The following SNX13 variants were observed in gnomAD, a reference collection of about 807,000 sequenced individuals.
SNX13 encodes the protein sorting nexin-13.
SNX13 carries 45 observed loss-of-function variants against 133.6 expected under a neutral mutation model. The ratio of observed to expected loss-of-function variants is 0.34; its 90% CI spans 0.27 to 0.43. The LOEUF is 0.43. Ranked by LOEUF, SNX13 falls within the 20% of genes least tolerant of loss-of-function variation. SNX13 has a pLI of 1.00. For synonymous variants in SNX13, 414 were observed against 373.9 expected (o/e 1.11, Z -1.24); for missense variants, 1,032 against 1,145.1 (o/e 0.90, Z 1.43).
intron 1 of SNX13, among the ~76,000 whole-genome samples, chr7:17,936,046 T>C (rs1291549605): frequency 6.6e-6 from 1 of 152,200 alleles, no homozygotes; most frequent in Non-Finnish European, 1.5e-5. Context: ...GGAGCCTTTC[T>C]TGATACGTAA....
intron 2 of SNX13, among the ~76,000 whole-genome samples, chr7:17,895,334 C>A (rs1186116887): frequency 1.3e-5 from 2 of 152,076 alleles, no homozygotes; most frequent in East Asian, 3.8e-4. Context: ...AACCATAATG[C>A]AGTAAGATGA....
chr7:17,832,048 G>A (rs1788551419), intron 15 of SNX13: 4 of 983,148 alleles, frequency 4.1e-6, no homozygotes, highest in South Asian at 4.7e-5. Flanking sequence ...AGAGAGCAAT[G>A]TCCTAGAAAG....
chr7:17,854,248 T>C (rs79583332), intron 9 of SNX13, among the ~76,000 whole-genome samples: 1,565 of 152,334 alleles, frequency 0.01, 33 homozygotes, highest in African/African-American at 0.036. Flanking sequence ...AAAATTATGC[T>C]ACAGCAAGGT....
At chr7:17,877,539 GAAGA>G (rs1314786250) in intron 5 of SNX13, among the ~76,000 whole-genome samples, 1 of 151,932 alleles carries the variant, frequency 6.6e-6, no homozygotes, top group Non-Finnish European at 1.5e-5. Flanking sequence ...GACAAATTTA[GAAGA>G]AAGCAGAATA....
intron 20 of SNX13, among the ~76,000 whole-genome samples, chr7:17,807,525 G>A (rs1421801721): frequency 6.6e-6 from 1 of 152,230 alleles, no homozygotes; most frequent in African/African-American, 2.4e-5. Flanking sequence ...GAAAGGTGCG[G>A]TTGTGGGCGC....
At chr7:17,926,153 T>C (rs1800730760) in intron 1 of SNX13, among the ~76,000 whole-genome samples, 1 of 151,990 alleles carries the variant, frequency 6.6e-6, no homozygotes, top group South Asian at 2.1e-4. Flanking sequence ...AGAAGATAAA[T>C]ACGAAGAAAG....
In SNX13 at chr7:17,799,136, G is replaced by C; in HGVS notation, c.2317C>G (p.Leu773Val). Residue 773 changes from leucine (L) to valine (V), a missense_variant, in exon 23 of 26, where the codon CTT becomes GTT. Transcript: ENST00000428135. ...LDDNVDDNIP[L>V]RVMLLLMDEV... ...TCCATGAGAAGCAGCATTACCCTAA[G>C]TGGAATATTGTCATCCACCTGACAA... is the stretch of plus-strand genomic sequence containing the variant. 6.2e-7 allele frequency: 1 copy of C among 1,605,688 alleles called. No homozygotes were observed. The highest frequency in any genetic ancestry group is 8.5e-7 in the Non-Finnish European group (1 of 1,176,016).
chr7:17,894,415 A>G (rs1302930448), intron 2 of SNX13, among the ~76,000 whole-genome samples: 1 of 152,136 alleles, frequency 6.6e-6, no homozygotes, highest in East Asian at 1.9e-4. Context: ...AGTTCTGTTA[A>G]CCAATTCACG....
chr7:17,884,001 G>A (rs1294205890), intron 5 of SNX13, among the ~76,000 whole-genome samples: 2 of 152,186 alleles, frequency 1.3e-5, no homozygotes, highest in South Asian at 4.1e-4. Flanking sequence ...TTTACTAGCT[G>A]TGACAGAAAT....
At chr7:17,927,914 C>T (rs909003680) in intron 1 of SNX13, among the ~76,000 whole-genome samples, 1 of 152,132 alleles carries the variant, frequency 6.6e-6, no homozygotes, top group Non-Finnish European at 1.5e-5. Flanking sequence ...GTACACAAAA[C>T]TTTTATCACA....
At chr7:17,881,647 T>A (rs1795367413) in intron 5 of SNX13, 1 of 152,148 alleles carries the variant, frequency 6.6e-6, no homozygotes. Flanking sequence ...GTGGCTTATC[T>A]GTGAAAGAAA....
intron 5 of SNX13, among the ~76,000 whole-genome samples, chr7:17,885,623 C>T (rs1795901161): frequency 6.6e-6 from 1 of 152,090 alleles, no homozygotes; most frequent in African/African-American, 2.4e-5. Flanking sequence ...AGCTCAGGAG[C>T]TCCAGACCAG....
chr7:17,815,621 T>A (rs1786570945), intron 19 of SNX13, among the ~76,000 whole-genome samples: 1 of 151,936 alleles, frequency 6.6e-6, no homozygotes, highest in East Asian at 1.9e-4. Context: ...TGGTACGAAA[T>A]AAAGTACATA....
rs756856171 is a variant in SNX13 at position 17,834,144 on chromosome 7, G to C, written c.1505C>G (p.Ser502Cys). The change falls in exon 15 of 26, where the codon TCC (serine) becomes TGC (cysteine). Residue 502 changes from serine (S) to cysteine (C), a missense_variant. Coordinates refer to ENST00000428135, the MANE Select transcript of SNX13 (RefSeq NM_015132.5). ...LMLRDERFYP[S>C]FRQNALYVRM... ...CACATAAAGTGCATTCTGTCTGAAG[G>C]AAGGATAAAATCTTTCATCTCGTAG... 6.3e-7 allele frequency: 1 copy of C among 1,595,312 alleles called. No individual in the cohort carries two copies. Among genetic ancestry groups the C allele is most frequent in the Non-Finnish European group, 8.6e-7 (1 of 1,168,364 alleles).
intron 3 of SNX13, among the ~76,000 whole-genome samples, chr7:17,892,502 A>C (rs956107909): frequency 1.4e-5 from 2 of 144,366 alleles, no homozygotes; most frequent in Non-Finnish European, 1.5e-5. Flanking sequence ...ACTTATAAGT[A>C]AAAAAAAAAA....
intron 20 of SNX13, among the ~76,000 whole-genome samples, chr7:17,809,282 CAAAAAAA>C (rs535077123): frequency 1.4e-4 from 7 of 49,274 alleles, no homozygotes; most frequent in African/African-American, 4.9e-4. Flanking sequence ...AGATGGAAAG[CAAAAAAA>C]AAAAAAAAAA....
intron 1 of SNX13, among the ~76,000 whole-genome samples, chr7:17,915,255 C>G (rs1364599278): frequency 6.6e-6 from 1 of 152,156 alleles, no homozygotes; most frequent in African/African-American, 2.4e-5. Flanking sequence ...CCAGGACCCC[C>G]GCCCCTCTAT....
At chr7:17,935,611 CAATT>C (rs1801926264) in intron 1 of SNX13, among the ~76,000 whole-genome samples, 1 of 152,202 alleles carries the variant, frequency 6.6e-6, no homozygotes, top group African/African-American at 2.4e-5. Context: ...AAATGACTGT[CAATT>C]AAAATAATAT....
At chr7:17,930,851 C>T (rs1801314891) in intron 1 of SNX13, among the ~76,000 whole-genome samples, 1 of 152,074 alleles carries the variant, frequency 6.6e-6, no homozygotes, top group Non-Finnish European at 1.5e-5. Context: ...ATTAGATTCT[C>T]ATAGGAGCAC....
Sources: gnomAD v4.1 joint callset for allele counts (sites outside exome capture counted in the v4.1 genomes callset) on GRCh38, gnomAD v4.1.1 for gene constraint, MANE v1.5 for transcripts, NCBI Gene and HGNC (gene_info 2026-07-23, HGNC 2026-07-21) for gene names.